The following MYO1B variants were observed in gnomAD, a reference collection of about 807,000 sequenced individuals.
The protein encoded by MYO1B is myosin IB.
MYO1B carries 72 observed loss-of-function variants against 159.7 expected under a neutral mutation model. That is an observed-to-expected ratio of 0.45 (90% CI 0.37 to 0.55). The LOEUF (loss-of-function observed/expected upper bound fraction) is 0.55, where lower values mean the gene tolerates loss of function less well. Among genes scored for constraint, MYO1B ranks in the 20% least tolerant of loss-of-function variants. The pLI is 0.00. For missense variants in MYO1B, 1,062 were observed against 1,364.8 expected (o/e 0.78, Z 3.50); for synonymous variants, 468 against 473.8 (o/e 0.99, Z 0.16).
chr2:191,350,470 GCTA>G (rs1692839974), intron 7 of MYO1B: 2 of 264,868 alleles, frequency 7.6e-6, no homozygotes, highest in Non-Finnish European at 1.4e-5. Flanking sequence ...AAATATTTGC[GCTA>G]CTGTTTTTTA....
intron 2 of MYO1B, among the ~76,000 whole-genome samples, chr2:191,294,079 T>C (rs1431641986): frequency 3.3e-5 from 5 of 152,314 alleles, no homozygotes; most frequent in African/African-American, 1.2e-4. Flanking sequence ...GACACTGTTC[T>C]AGGTGATAGA....
In MYO1B at chr2:191,260,648, T is replaced by A; in HGVS notation, c.-10+15022T>A. On this transcript the variant is annotated intron_variant, in intron 1 of 30. Transcript: ENST00000392318. ...CTTTGCTTTTTTCAAGAGAGTGATA[T>A]TCCTTTTCAGAGAAACATTTGTCTG... Among the ~76,000 whole-genome samples, 2 of 152,220 alleles carry A rather than the reference T, an allele frequency of 1.3e-5. 1 individual carries two copies. Among genetic ancestry groups the A allele is most frequent in the Non-Finnish European group, 2.9e-5 (2 of 68,032 alleles).
chr2:191,322,632 G>C (rs1167654672), intron 3 of MYO1B, among the ~76,000 whole-genome samples: 1 of 152,134 alleles, frequency 6.6e-6, no homozygotes, highest in African/African-American at 2.4e-5. Flanking sequence ...ACAAATAAGA[G>C]TTCTAAAATC....
chr2:191,248,340 A>G (rs970317697), intron 1 of MYO1B, among the ~76,000 whole-genome samples: 2 of 152,186 alleles, frequency 1.3e-5, no homozygotes, highest in East Asian at 3.8e-4. Flanking sequence ...TAGATTTACA[A>G]TGGGGTTATG....
rs545459017 is a variant in MYO1B, at chr2:191,260,107, T to G, written c.-10+14481T>G. On this transcript the variant is annotated intron_variant, in intron 1 of 30. Transcript: ENST00000392318. ...GAAGCACTAAGGAAAATAAGGAGTG[T>G]CCGGAGGTGGGATGTGGACAGCCAG... Among the ~76,000 whole-genome samples, 6 of 152,070 alleles carry G rather than the reference T, an allele frequency of 3.9e-5. 1 individual carries two copies. Among genetic ancestry groups the G allele is most frequent in the African/African-American group, 1.4e-4 (6 of 41,512 alleles).
rs112007176 is a variant in MYO1B, at chr2:191,390,500, A to G, written c.1982+8A>G. ...TTGGAAAGGACCAGCCAGGTAAGAA[A>G]TTCAGTGACCATATTTAATAATGAA... On this transcript the variant is annotated splice_region_variant and intron_variant, in intron 18 of 30. Transcript: ENST00000392318. 19,299 of 1,609,634 alleles carry G rather than the reference A, an allele frequency of 0.012. 1,900 individuals carry two copies. The African/African-American group carries it at 0.22, about 18-fold the overall frequency.
intron 4 of MYO1B, among the ~76,000 whole-genome samples, chr2:191,336,209 C>CG (rs962422000): frequency 1.8e-4 from 28 of 152,316 alleles, no homozygotes; most frequent in African/African-American, 6.7e-4. Context: ...TCTAGGAACT[C>CG]TTCAGCCATC....
intron 1 of MYO1B, among the ~76,000 whole-genome samples, chr2:191,250,391 A>G (rs537156246): frequency 6.6e-5 from 10 of 152,206 alleles, no homozygotes; most frequent in Admixed American, 1.3e-4. Flanking sequence ...CTATGCGAGA[A>G]GGTTTGAATA....
chr2:191,264,890 C>A (rs1023274817), intron 1 of MYO1B, among the ~76,000 whole-genome samples: 13 of 151,642 alleles, frequency 8.6e-5, no homozygotes, highest in African/African-American at 3.2e-4. Context: ...GGGACAAGAT[C>A]CTAGGAGATG....
chr2:191,418,120 A>C (rs1269191726), intron 30 of MYO1B, among the ~76,000 whole-genome samples: 2 of 152,222 alleles, frequency 1.3e-5, no homozygotes, highest in Admixed American at 1.3e-4. Flanking sequence ...AAAATAAAAC[A>C]GTTCATAGGA....
chr2:191,302,000 C>T (rs1205074610), intron 3 of MYO1B, among the ~76,000 whole-genome samples: 1 of 152,212 alleles, frequency 6.6e-6, no homozygotes, highest in Non-Finnish European at 1.5e-5. Flanking sequence ...CCTCCCTGCT[C>T]TCCTCCAAAC....
At chr2:191,292,706 G>A (rs1688756745) in intron 2 of MYO1B, among the ~76,000 whole-genome samples, 1 of 152,150 alleles carries the variant, frequency 6.6e-6, no homozygotes, top group Non-Finnish European at 1.5e-5. Flanking sequence ...TTAAATTTTA[G>A]AGTACCTTGG....
At chr2:191,332,573 C>T (rs570872080) in intron 4 of MYO1B, among the ~76,000 whole-genome samples, 4 of 152,260 alleles carry the variant, frequency 2.6e-5, no homozygotes, top group African/African-American at 4.8e-5. Flanking sequence ...AGCTAACCCA[C>T]GTTCAGCACT....
At chr2:191,270,151 T>C (rs72912468) in intron 1 of MYO1B, among the ~76,000 whole-genome samples, 164 of 152,262 alleles carry the variant, frequency 1.1e-3, no homozygotes, top group Non-Finnish European at 1.8e-3. Flanking sequence ...TGAGGAATGA[T>C]GTCACATTCC....
intron 22 of MYO1B, 113 bp downstream of exon 22, chr2:191,400,581 T>A: frequency 7.3e-7 from 1 of 1,375,658 alleles, no homozygotes; most frequent in Non-Finnish European, 1.0e-6. Flanking sequence ...ACTGAGCACG[T>A]GTTTGCTTCT....
rs1695530979 is a variant in MYO1B, at chr2:191,388,374, A to G, written c.1781+924A>G. The G allele has an allele frequency of 2.0e-5, 3 of 152,170 alleles. No homozygotes were observed. In the South Asian group the frequency reaches 6.2e-4, roughly 32 times the overall value. 9.4% of individuals were successfully genotyped at this position (152,170 alleles called of 1,614,324 possible). The stretch of plus-strand genomic sequence containing the variant: ...CTCTCTCTAGATTTAGTAAAGACCA[A>G]CTAGGATTAGAGTTTGCTATGTGTG... On this transcript the variant is annotated intron_variant, in intron 17 of 30. Coordinates refer to ENST00000392318, the MANE Select transcript of MYO1B (RefSeq NM_001130158.3).
intron 11 of MYO1B, among the ~76,000 whole-genome samples, chr2:191,365,391 G>A (rs905435934): frequency 6.6e-6 from 1 of 152,116 alleles, no homozygotes; most frequent in Non-Finnish European, 1.5e-5. Flanking sequence ...ATGCCTTTAT[G>A]TCTTTAGCTT....
intron 1 of MYO1B, among the ~76,000 whole-genome samples, chr2:191,271,053 T>A (rs1305177039): frequency 6.6e-6 from 1 of 152,206 alleles, no homozygotes. Context: ...TGCAAGAGGC[T>A]GTGCACTGTG....
chr2:191,321,402 T>A (rs776923322), intron 3 of MYO1B, among the ~76,000 whole-genome samples: 18 of 152,160 alleles, frequency 1.2e-4, no homozygotes, highest in Non-Finnish European at 2.5e-4. Flanking sequence ...TTGGAAACAT[T>A]TGTGTTGGGA....
Sources: allele counts gnomAD v4.1 joint callset (sites outside exome capture counted in the v4.1 genomes callset), GRCh38; gene constraint gnomAD v4.1.1; transcripts MANE v1.5; gene names NCBI Gene and HGNC (gene_info 2026-07-23, HGNC 2026-07-21).